DTNB: variants seen among roughly 807,000 people sequenced by gnomAD.
DTNB encodes dystrobrevin beta, also known as DTN-B.
DTNB carries 63 observed loss-of-function variants against 90.7 expected under a neutral mutation model. The observed-to-expected ratio is 0.69, with a 90% CI of 0.57 to 0.86. The LOEUF (loss-of-function observed/expected upper bound fraction) is 0.86. Among genes scored for constraint, DTNB ranks in the 40% least tolerant of loss-of-function variants. The pLI, the probability that DTNB is intolerant of heterozygous loss-of-function variation, is 0.00. For synonymous variants in DTNB, 277 were observed against 286.7 expected, an observed-to-expected ratio of 0.97 and a Z score of 0.34; for missense variants, 744 against 807.1, an observed-to-expected ratio of 0.92 and a Z score of 0.95.
In DTNB at chr2:25,653,501, TTCTTTCTTTC is replaced by T. The variant is rs1265507620; in HGVS notation, c.-1-850_-1-841del. On this transcript the variant is annotated intron_variant, in intron 1 of 20. Coordinates refer to ENST00000406818, the MANE Select transcript of DTNB (RefSeq NM_021907.5). ...TTGCTTTCTTTCTTTCTTTCTTTCTTTCTTTCTTTCTTTCTTTTTTTTTTTTTTTTTTGAC... is the reference window on the plus strand; with the variant it reads ...TTGCTTTCTTTCTTTCTTTCTTTCTTTTTCTTTTTTTTTTTTTTTTTTGAC... 6.1e-5 allele frequency among the ~76,000 whole-genome samples: 8 copies of T among 131,816 alleles called. No homozygotes were observed. The South Asian group carries it at 1.4e-3, about 24-fold the overall frequency. 86.5% of individuals were successfully genotyped at this position (131,816 alleles called of 152,430 possible).
chr2:25,616,706 G>A (rs2070678259), intron 4 of DTNB, among the ~76,000 whole-genome samples: 1 of 150,392 alleles, frequency 6.6e-6, no homozygotes, highest in Admixed American at 6.6e-5. Context: ...GCCAAAGCTG[G>A]TGGATCACGA....
At chr2:25,582,976 A>G (rs908200473) in intron 6 of DTNB, among the ~76,000 whole-genome samples, 4 of 152,096 alleles carry the variant, frequency 2.6e-5, no homozygotes, top group African/African-American at 9.7e-5. Context: ...AATTATTGAG[A>G]TTGGCTGGGC....
intron 9 of DTNB, among the ~76,000 whole-genome samples, chr2:25,496,717 C>T (rs2068937179): frequency 6.6e-6 from 1 of 152,066 alleles, no homozygotes; most frequent in Non-Finnish European, 1.5e-5. Flanking sequence ...GTGGTGGGTG[C>T]CTGTAATCCC....
chr2:25,413,600 C>T (rs924141330), intron 16 of DTNB, among the ~76,000 whole-genome samples: 10 of 152,112 alleles, frequency 6.6e-5, no homozygotes, highest in Non-Finnish European at 1.2e-4. Flanking sequence ...CAAACCCATC[C>T]TTTTTTATGG....
intron 12 of DTNB, 28 bp from the exon 13 acceptor site, chr2:25,434,023 T>A (rs746715187): frequency 6.3e-7 from 1 of 1,595,254 alleles, no homozygotes; most frequent in South Asian, 1.1e-5. Flanking sequence ...GGAGAAAGTT[T>A]TTTTTTTTCT....
intron 9 of DTNB, among the ~76,000 whole-genome samples, chr2:25,526,674 G>A (rs2077257231): frequency 6.6e-6 from 1 of 151,944 alleles, no homozygotes; most frequent in Admixed American, 6.6e-5. Flanking sequence ...GGGATTACAG[G>A]TGTAAGCCAC....
rs1381024999 is a variant in DTNB at position 25,419,512 on chromosome 2, T to TA, written c.1575+2dup. ...CCGGCGGGAAATTCCGAAGTTCACT[T>TA]ACTGCCTGCTTTTGCTCTTCCTCCT... On this transcript the variant is annotated splice_region_variant and intron_variant, in intron 16 of 20. Transcript: ENST00000406818. The TA allele has an allele frequency of 1.3e-6, 2 of 1,558,828 alleles. No individual in the cohort carries two copies. The highest frequency in any genetic ancestry group is 3.9e-5 in the Admixed American group (2 of 51,736).
chr2:25,596,024 T>C, intron 6 of DTNB, 62 bp downstream of exon 6: 3 of 1,422,450 alleles, frequency 2.1e-6, no homozygotes, highest in Non-Finnish European at 2.8e-6. Flanking sequence ...GCAAAATCTG[T>C]TAGAAGGTGA....
chr2:25,561,617 C>CCAT (rs1056755189), intron 8 of DTNB, among the ~76,000 whole-genome samples: 1 of 152,176 alleles, frequency 6.6e-6, no homozygotes, highest in African/African-American at 2.4e-5. Flanking sequence ...TGGTTTAGTG[C>CCAT]CATTCCCTTG....
Position 25,535,549 on chromosome 2 carries a change from G to A in DTNB, c.877-3952C>T, listed in dbSNP as rs542825642. 2.2e-3 allele frequency among the ~76,000 whole-genome samples: 309 copies of A among 140,382 alleles called. 8 individuals carry two copies. The highest frequency in any genetic ancestry group is 7.5e-3 in the African/African-American group (271 of 36,156). The allele number at this position is 140,382 out of a possible 152,430, so 92.1% of individuals were successfully genotyped here. A position where few individuals can be genotyped will look rare whatever the true frequency, so the allele number is the denominator to read the frequency against. The stretch of plus-strand genomic sequence containing the variant: ...CCAGACGGGGCGGCCGGGCAGAGGC[G>A]CTCCTCACATCCCAGACGATGGGCG... On this transcript the variant is annotated intron_variant, in intron 8 of 20. Coordinates refer to ENST00000406818, the MANE Select transcript of DTNB (RefSeq NM_021907.5).
intron 9 of DTNB, among the ~76,000 whole-genome samples, chr2:25,510,099 T>G (rs1443031059): frequency 6.6e-6 from 1 of 152,134 alleles, no homozygotes; most frequent in East Asian, 1.9e-4. Flanking sequence ...CTTGGGACAA[T>G]TTCCATTCAT....
At chr2:25,527,098 T>C (rs2077321626) in intron 9 of DTNB, among the ~76,000 whole-genome samples, 1 of 152,046 alleles carries the variant, frequency 6.6e-6, no homozygotes, top group Admixed American at 6.5e-5. Flanking sequence ...ACAAAAAATA[T>C]TATACAGTAA....
In DTNB at chr2:25,652,599, T is replaced by C. The variant is rs766741924; in HGVS notation, c.62A>G (p.Glu21Gly). ...AACAAGGACTCAAGACTCACGCATT[T>C]CTATGAACAGCTGCCTCTTCTCTGC... ...TMAEKRQLFI[E>G]MRAQNFDVIR... Residue 21 changes from glutamate (E) to glycine (G), a missense_variant, in exon 2 of 21, where the codon GAA becomes GGA. By Grantham distance (98) the Glu-to-Gly change is moderately conservative. Transcript: ENST00000406818. 4 of 1,612,048 alleles carry C rather than the reference T, an allele frequency of 2.5e-6. No homozygotes were observed. Among genetic ancestry groups the C allele is most frequent in the African/African-American group, 1.3e-5 (1 of 74,638 alleles).
At chr2:25,557,599 ACAAAG>A (rs1572555616) in intron 8 of DTNB, among the ~76,000 whole-genome samples, 1 of 152,190 alleles carries the variant, frequency 6.6e-6, no homozygotes, top group East Asian at 1.9e-4. Context: ...AAAAAATAAA[ACAAAG>A]CAGATTCCTC....
At chr2:25,382,229 G>A (rs1015808680) in intron 19 of DTNB, among the ~76,000 whole-genome samples, 4 of 152,078 alleles carry the variant, frequency 2.6e-5, no homozygotes, top group East Asian at 3.9e-4. Context: ...TTCTCTCCCC[G>A]ATAAGGTACT....
intron 1 of DTNB, among the ~76,000 whole-genome samples, chr2:25,667,623 T>C (rs76071122): frequency 2.0e-3 from 305 of 152,322 alleles, no homozygotes; most frequent in Non-Finnish European, 4.0e-3. Context: ...ATACTTATTA[T>C]ATAAGTACAT....
chr2:25,438,147 G>A (rs1008655835), intron 12 of DTNB, among the ~76,000 whole-genome samples: 6 of 152,108 alleles, frequency 3.9e-5, no homozygotes, highest in African/African-American at 1.2e-4. Context: ...CAGTGCTGAC[G>A]GAGGGAAGGA....
intron 1 of DTNB, among the ~76,000 whole-genome samples, chr2:25,668,508 C>A (rs151198256): frequency 6.6e-6 from 1 of 152,186 alleles, no homozygotes; most frequent in South Asian, 2.1e-4. Context: ...CATGACATTA[C>A]GCACTTGTCA....
chr2:25,468,454 C>T (rs916988278), intron 10 of DTNB, among the ~76,000 whole-genome samples: 1 of 152,156 alleles, frequency 6.6e-6, no homozygotes, highest in South Asian at 2.1e-4. Flanking sequence ...GCTGCTCCTC[C>T]ACTGGGTCTG....
Sources: gnomAD v4.1 joint callset for allele counts (sites outside exome capture counted in the v4.1 genomes callset) on GRCh38, gnomAD v4.1.1 for gene constraint, MANE v1.5 for transcripts, NCBI Gene and HGNC (gene_info 2026-07-23, HGNC 2026-07-21) for gene names.